Variants in MYRFL observed in about 807,000 individuals in gnomAD.
The protein encoded by MYRFL is myelin regulatory factor like.
Under a neutral mutation model 109.4 loss-of-function variants are expected in MYRFL, and 88 were observed. That is an observed-to-expected ratio of 0.80 (90% confidence interval 0.68 to 0.96). The LOEUF is 0.96. Among genes scored for constraint, MYRFL ranks in the 40% least tolerant of loss-of-function variants. The pLI is 0.00. For missense variants in MYRFL, 957 were observed against 954.9 expected (o/e 1.00, Z -0.03); for synonymous variants, 324 against 320.9 (o/e 1.01, Z -0.10).
At chr12:69,841,551 T>C (rs1883243134) in intron 1 of MYRFL, among the ~76,000 whole-genome samples, 1 of 152,192 alleles carries the variant, frequency 6.6e-6, no homozygotes, top group Non-Finnish European at 1.5e-5. Flanking sequence ...TGCACAAGCT[T>C]GTACAACCTG....
chr12:69,870,724 T>C (rs1885304796), intron 2 of MYRFL, among the ~76,000 whole-genome samples: 1 of 152,160 alleles, frequency 6.6e-6, no homozygotes, highest in Admixed American at 6.5e-5. Context: ...TGGAAGCATA[T>C]AAAATACAAT....
At chr12:69,956,025 T>C (rs1469679072) in intron 22 of MYRFL, among the ~76,000 whole-genome samples, 1 of 152,132 alleles carries the variant, frequency 6.6e-6, no homozygotes, top group Non-Finnish European at 1.5e-5. Flanking sequence ...TGAGAATTAT[T>C]AATAATGGTG....
intron 11 of MYRFL, among the ~76,000 whole-genome samples, chr12:69,906,630 C>T (rs879664318): frequency 2.0e-5 from 3 of 152,176 alleles, no homozygotes; most frequent in Admixed American, 1.3e-4. Context: ...CCACAATACC[C>T]GTGTGCTAGT....
rs913828880 is a variant in MYRFL at position 69,878,901 on chromosome 12, C to T, written c.138-127C>T. ...GGGGTCTCACTTCCCAAACCCCTCA[C>T]CCCCCCATGCCCAGCACCTGGAACC... On this transcript the variant is annotated intron_variant, in intron 2 of 24. Transcript: ENST00000552032. 1.4e-5 allele frequency: 9 copies of T among 659,716 alleles called. No individual in the cohort carries two copies. In the African/African-American group the frequency reaches 1.4e-4, roughly 10 times the overall value. The allele number at this position is 659,716 out of a possible 1,614,324, so 40.9% of individuals were successfully genotyped here. A position where few individuals can be genotyped will look rare whatever the true frequency, so the allele number is the denominator to read the frequency against.
intron 16 of MYRFL, among the ~76,000 whole-genome samples, chr12:69,933,402 A>C (rs1955333798): frequency 6.6e-6 from 1 of 152,074 alleles, no homozygotes; most frequent in Admixed American, 6.5e-5. Flanking sequence ...CATATGGTGA[A>C]AGGGTATTTA....
chr12:69,930,468 C>T (rs1049508516), intron 15 of MYRFL, among the ~76,000 whole-genome samples: 1 of 152,024 alleles, frequency 6.6e-6, no homozygotes, highest in Non-Finnish European at 1.5e-5. Flanking sequence ...AGATAGGAAG[C>T]TCCCCAGGGT....
chr12:69,935,397 C>T (rs1955416163), intron 16 of MYRFL, among the ~76,000 whole-genome samples: 1 of 152,096 alleles, frequency 6.6e-6, no homozygotes, highest in Non-Finnish European at 1.5e-5. Flanking sequence ...AAGATGTCCC[C>T]CAAAGAGGAG....
intron 1 of MYRFL, among the ~76,000 whole-genome samples, chr12:69,829,640 G>A (rs533054254): frequency 6.6e-6 from 1 of 152,186 alleles, no homozygotes; most frequent in East Asian, 1.9e-4. Context: ...CCAGGGCTGG[G>A]GCACCCAGCA....
At chr12:69,867,633 G>A (rs1473733908) in intron 2 of MYRFL, among the ~76,000 whole-genome samples, 1 of 152,156 alleles carries the variant, frequency 6.6e-6, no homozygotes, top group African/African-American at 2.4e-5. Flanking sequence ...CTAATATTAT[G>A]GGTTTAACTT....
intron 13 of MYRFL, among the ~76,000 whole-genome samples, chr12:69,913,494 A>G (rs2120399960): frequency 6.6e-6 from 1 of 152,298 alleles, no homozygotes; most frequent in East Asian, 1.9e-4. Context: ...GTAAGAGTCC[A>G]GCTTCATCCT....
At chr12:69,928,932 T>C (rs1955184951) in intron 15 of MYRFL, among the ~76,000 whole-genome samples, 1 of 152,212 alleles carries the variant, frequency 6.6e-6, no homozygotes, top group Admixed American at 6.5e-5. Context: ...GCAATCTCTG[T>C]AGCTCCCATC....
At chr12:69,928,627 A>G (rs1955173300) in intron 15 of MYRFL, among the ~76,000 whole-genome samples, 1 of 152,248 alleles carries the variant, frequency 6.6e-6, no homozygotes, top group Non-Finnish European at 1.5e-5. Context: ...TCCTTAGTGT[A>G]TTGACAAACA....
chr12:69,926,117 C>CTTTTTTTTTTTTTTT (rs147973443), intron 13 of MYRFL, among the ~76,000 whole-genome samples: 1 of 84,852 alleles, frequency 1.2e-5, no homozygotes, highest in Non-Finnish European at 2.2e-5. Context: ...TCTTCTTCTT[C>CTTTTTTTTTTTTTTT]TTTTTTTTTT....
At chr12:69,897,289 C>T (rs908091527) in intron 10 of MYRFL, 43 bp downstream of exon 10, 2 of 1,391,872 alleles carry the variant, frequency 1.4e-6, no homozygotes, top group South Asian at 2.5e-5. Context: ...ACATGCTTTC[C>T]TCCTATGTAG....
chr12:69,914,329 T>C (rs989321036), intron 13 of MYRFL, among the ~76,000 whole-genome samples: 6 of 152,200 alleles, frequency 3.9e-5, no homozygotes, highest in Admixed American at 2.0e-4. Context: ...ATTAAAGCTT[T>C]TTTTCATAAG....
intron 10 of MYRFL, among the ~76,000 whole-genome samples, chr12:69,898,848 A>G (rs1180751354): frequency 1.3e-5 from 2 of 152,182 alleles, no homozygotes; most frequent in African/African-American, 4.8e-5. Flanking sequence ...AAGTCCACAC[A>G]ACAGCAACAT....
intron 2 of MYRFL, among the ~76,000 whole-genome samples, chr12:69,873,392 C>A (rs1053910806): frequency 2.0e-5 from 3 of 152,152 alleles, no homozygotes; most frequent in Admixed American, 2.0e-4. Flanking sequence ...TCTCAGCACA[C>A]GATTTTTTTT....
At chr12:69,835,320 A>G (rs1158385726) in intron 1 of MYRFL, among the ~76,000 whole-genome samples, 1 of 152,216 alleles carries the variant, frequency 6.6e-6, no homozygotes, top group African/African-American at 2.4e-5. Flanking sequence ...CTTAAAAGGG[A>G]TAGAAGTTTT....
chr12:69,894,548 G>A (rs10784798), intron 8 of MYRFL, among the ~76,000 whole-genome samples: 55,000 of 152,038 alleles, frequency 0.36, 10,802 homozygotes, highest in African/African-American at 0.52. Context: ...GATTGAATTA[G>A]TTTTGAGATT....
Sources: allele counts gnomAD v4.1 joint callset (sites outside exome capture counted in the v4.1 genomes callset), GRCh38; gene constraint gnomAD v4.1.1; transcripts MANE v1.5; gene names NCBI Gene and HGNC (gene_info 2026-07-23, HGNC 2026-07-21).